DCAF7: variants seen among roughly 807,000 people sequenced by gnomAD.
DCAF7 encodes the protein DDB1- and CUL4-associated factor 7.
DCAF7 carries 4 observed loss-of-function variants against 41.2 expected under a neutral mutation model. The observed-to-expected ratio is 0.10, with a 90% CI of 0.05 to 0.22. The LOEUF (loss-of-function observed/expected upper bound fraction) is 0.22. DCAF7 is among the 10% of genes least tolerant of loss of function. The pLI is 1.00. For synonymous variants in DCAF7, 143 were observed against 164.2 expected (o/e 0.87, Z 0.99); for missense variants, 131 against 443.2 (o/e 0.30, Z 6.32).
chr17:63,563,205 T>A (rs2033403099), intron 1 of DCAF7, among the ~76,000 whole-genome samples: 1 of 152,130 alleles, frequency 6.6e-6, no homozygotes, highest in African/African-American at 2.4e-5. Flanking sequence ...AGGGTATGAA[T>A]ATCTAGTTCA....
chr17:63,587,326 CT>C (rs58017577), intron 6 of DCAF7, among the ~76,000 whole-genome samples: 2,921 of 144,020 alleles, frequency 0.02, 72 homozygotes, highest in African/African-American at 0.067. Flanking sequence ...TTATTGCCCT[CT>C]TTTTTTTTTT....
At chr17:63,563,107 GAGCCACCA>G (rs2033402112) in intron 1 of DCAF7, among the ~76,000 whole-genome samples, 2 of 152,180 alleles carry the variant, frequency 1.3e-5, no homozygotes, top group African/African-American at 4.8e-5. Flanking sequence ...TAATGGGCAT[GAGCCACCA>G]AGCCCTGCCT....
rs1312450621 is a variant in DCAF7, at chr17:63,581,679, G to T, written c.528+1736G>T. 2.0e-5 allele frequency among the ~76,000 whole-genome samples: 3 copies of T among 152,376 alleles called. No homozygotes were observed. The East Asian group carries it at 5.8e-4, about 29-fold the overall frequency. Reference sequence around the variant, plus strand: ...TTCTCTTGTGACACAGAGAAGAAGAGCAGGGAGAAAGGCCAGGAATGGATC... The same window carrying T: ...TTCTCTTGTGACACAGAGAAGAAGATCAGGGAGAAAGGCCAGGAATGGATC... On this transcript the variant is annotated intron_variant, in intron 4 of 6. Transcript: ENST00000614556.
intron 1 of DCAF7, among the ~76,000 whole-genome samples, chr17:63,570,953 A>G (rs867506941): frequency 1.5e-4 from 23 of 152,228 alleles, no homozygotes; most frequent in Admixed American, 1.1e-3. Context: ...TGGGAGGCCG[A>G]GGCTGGTAGA....
intron 1 of DCAF7, among the ~76,000 whole-genome samples, chr17:63,575,303 C>T (rs1268141436): frequency 6.6e-6 from 1 of 152,172 alleles, no homozygotes; most frequent in Non-Finnish European, 1.5e-5. Context: ...TACACTCCAG[C>T]TGAGGCGACA....
chr17:63,582,215 G>A (rs893756122), intron 4 of DCAF7, among the ~76,000 whole-genome samples: 1 of 152,142 alleles, frequency 6.6e-6, no homozygotes, highest in African/African-American at 2.4e-5. Context: ...GCCATAGAAA[G>A]ACAAGCATAA....
rs563744514 is a variant in DCAF7, at chr17:63,585,321, C to T, written c.849C>T (p.Cys283=). The T allele has an allele frequency of 1.2e-6, 2 of 1,612,892 alleles. No individual in the cohort carries two copies. Among genetic ancestry groups the T allele is most frequent in the East Asian group, 2.2e-5 (1 of 44,870 alleles). Residue 283 remains cysteine, a synonymous_variant, in exon 6 of 7, where the codon TGC becomes TGT. Transcript: ENST00000614556. The part of the protein sequence containing the change: ...AWAPHSSCHI[C]TAADDHQALI... ...CCCCACATTCATCCTGCCACATCTG[C>T]ACTGCAGGTAATCATGGTGGGGAGA... is the stretch of plus-strand genomic sequence containing the variant.
rs567969978 is a variant in DCAF7 at position 63,575,677 on chromosome 17, G to A, written c.139-2793G>A. Among the ~76,000 whole-genome samples the A allele has an allele frequency of 4.6e-5, 7 of 152,300 alleles. No homozygotes were observed. The East Asian group carries it at 1.3e-3, about 29-fold the overall frequency. ...CACTCCAGCTTGGGTGCTAGAGCGA[G>A]ACTCTGTCTGAAAAAAAAGAACTTA... On this transcript the variant is annotated intron_variant, in intron 1 of 6. Coordinates refer to ENST00000614556, the MANE Select transcript of DCAF7 (RefSeq NM_005828.5).
chr17:63,572,606 T>G lies in DCAF7; in HGVS notation c.139-5864T>G, dbSNP rs565602396. On this transcript the variant is annotated intron_variant, in intron 1 of 6. Transcript: ENST00000614556. ...CTCTTCCAGTTGAACTTCACAGTGT[T>G]ATCTGCAAAGTTAGAGAGGGATTTG... Among the ~76,000 whole-genome samples, 8 of 152,282 alleles carry G rather than the reference T, an allele frequency of 5.3e-5. No individual in the cohort carries two copies. The East Asian group carries it at 1.5e-3, about 29-fold the overall frequency.
At chr17:63,560,073 AATAG>A (rs2033364679) in intron 1 of DCAF7, among the ~76,000 whole-genome samples, 2 of 152,194 alleles carry the variant, frequency 1.3e-5, no homozygotes, top group African/African-American at 2.4e-5. Context: ...GAAAAAGAGA[AATAG>A]ATAGGAAGAG....
At chr17:63,588,813 C>T (rs1271262754) in intron 6 of DCAF7, among the ~76,000 whole-genome samples, 187 bp from the exon 7 acceptor site, 6 of 152,152 alleles carry the variant, frequency 3.9e-5, no homozygotes, top group African/African-American at 1.4e-4. Flanking sequence ...GGCTGAATAG[C>T]TGTGTGATTT....
intron 1 of DCAF7, among the ~76,000 whole-genome samples, chr17:63,577,421 A>G (rs1369798196): frequency 1.3e-5 from 2 of 152,158 alleles, no homozygotes; most frequent in Non-Finnish European, 2.9e-5. Context: ...CCACTATTCC[A>G]TCTTCCAGTT....
In DCAF7 at chr17:63,586,760, C is replaced by CA. The variant is rs973814309; in HGVS notation, c.856+1445dup. On this transcript the variant is annotated intron_variant, in intron 6 of 6. Coordinates refer to ENST00000614556, the MANE Select transcript of DCAF7 (RefSeq NM_005828.5). ...CTGGTGACAGAGTGAGACCCCGTCTCAAAAAAAAAAAAAGAAAAATATGCT... is the reference window on the plus strand; with the variant it reads ...CTGGTGACAGAGTGAGACCCCGTCTCAAAAAAAAAAAAAAGAAAAATATGCT... Among the ~76,000 whole-genome samples, 461 of 103,352 alleles carry CA rather than the reference C, an allele frequency of 4.5e-3. 2 individuals are homozygous for CA. Among genetic ancestry groups the CA allele is most frequent in the African/African-American group, 0.013 (352 of 27,374 alleles). The allele number at this position is 103,352 out of a possible 152,430, so 67.8% of individuals were successfully genotyped here.
At chr17:63,585,672 G>A (rs1456139882) in intron 6 of DCAF7, among the ~76,000 whole-genome samples, 1 of 152,176 alleles carries the variant, frequency 6.6e-6, no homozygotes, top group Admixed American at 6.5e-5. Context: ...CAGAATCTTT[G>A]GGACTGTGAA....
chr17:63,589,860 G>C lies in DCAF7; in HGVS notation c.*688G>C, dbSNP rs1469604638. 1 of 153,606 alleles carries C rather than the reference G, an allele frequency of 6.5e-6. No homozygotes were observed. The highest frequency in any genetic ancestry group is 1.5e-5 in the Non-Finnish European group (1 of 68,874). The allele number at this position is 153,606 out of a possible 1,614,324, so 9.5% of individuals were successfully genotyped here. A position where few individuals can be genotyped will look rare whatever the true frequency, so the allele number is the denominator to read the frequency against. ...CTGACCGGGAGTCCAAACCACCTTGGTGCTCTGAAGTCCACTGACTCATCA... is the reference window on the plus strand; with the variant it reads ...CTGACCGGGAGTCCAAACCACCTTGCTGCTCTGAAGTCCACTGACTCATCA... On this transcript the variant is annotated 3_prime_UTR_variant, in exon 7 of 7. Transcript: ENST00000614556.
chr17:63,585,586 G>T (rs895005545), intron 6 of DCAF7, among the ~76,000 whole-genome samples: 1 of 152,186 alleles, frequency 6.6e-6, no homozygotes, highest in African/African-American at 2.4e-5. Context: ...CTTGTACTGT[G>T]CCCCTGAAAT....
intron 1 of DCAF7, among the ~76,000 whole-genome samples, chr17:63,552,058 A>T (rs868249414): frequency 6.6e-6 from 1 of 151,928 alleles, no homozygotes; most frequent in Admixed American, 6.6e-5. Flanking sequence ...AGCCTGGGCG[A>T]CAGAGTGAGA....
intron 1 of DCAF7, among the ~76,000 whole-genome samples, chr17:63,562,879 A>G (rs1201072023): frequency 2.6e-5 from 4 of 150,984 alleles, no homozygotes; most frequent in Non-Finnish European, 1.5e-5. Flanking sequence ...GCTGGAGTAC[A>G]GTGGCACAAT....
intron 1 of DCAF7, among the ~76,000 whole-genome samples, chr17:63,570,175 A>G (rs2033489995): frequency 2.0e-5 from 3 of 152,082 alleles, no homozygotes; most frequent in Non-Finnish European, 4.4e-5. Flanking sequence ...TAGGAAAGGC[A>G]AGGCGTGATG....
Sources: gnomAD v4.1 joint callset for allele counts (sites outside exome capture counted in the v4.1 genomes callset) on GRCh38, gnomAD v4.1.1 for gene constraint, MANE v1.5 for transcripts, NCBI Gene and HGNC (gene_info 2026-07-23, HGNC 2026-07-21) for gene names.